Variants in EPB41L1 observed in about 807,000 individuals in gnomAD.
The protein encoded by EPB41L1 is erythrocyte membrane protein band 4.1 like 1.
A neutral mutation model predicts 97.8 loss-of-function variants in EPB41L1; 29 were observed. The ratio of observed to expected loss-of-function variants is 0.30; its 90% CI spans 0.22 to 0.40. EPB41L1 has a LOEUF of 0.40. Ranked by LOEUF, EPB41L1 falls within the 10% of genes least tolerant of loss-of-function variation. The pLI is 1.00. For synonymous variants in EPB41L1, 383 were observed against 459.2 expected, an observed-to-expected ratio of 0.83 and a Z score of 2.12; for missense variants, 812 against 1,162.3, an observed-to-expected ratio of 0.70 and a Z score of 4.38.
chr20:36,095,882 C>G (rs899005200), intron 1 of EPB41L1, among the ~76,000 whole-genome samples: 1 of 151,980 alleles, frequency 6.6e-6, no homozygotes, highest in East Asian at 1.9e-4. Context: ...AAAATTTAGC[C>G]GGGCATGGTG....
chr20:36,147,535 A>C (rs1600582946), intron 2 of EPB41L1, among the ~76,000 whole-genome samples: 1 of 152,280 alleles, frequency 6.6e-6, no homozygotes, highest in East Asian at 1.9e-4. Flanking sequence ...GAGTGATTTA[A>C]CTTCAGTTTC....
intron 2 of EPB41L1, among the ~76,000 whole-genome samples, chr20:36,147,121 A>G (rs1343570068): frequency 2.0e-5 from 3 of 152,066 alleles, no homozygotes; most frequent in Non-Finnish European, 4.4e-5. Flanking sequence ...GCACTCCAGC[A>G]TGGGCGACAG....
At chr20:36,104,481 G>A (rs1315852085) in intron 1 of EPB41L1, among the ~76,000 whole-genome samples, 1 of 152,160 alleles carries the variant, frequency 6.6e-6, no homozygotes, top group Admixed American at 6.5e-5. Context: ...TCATGATGCC[G>A]CCATTGAGAG....
At chr20:36,178,708 T>C (rs769835016) in intron 5 of EPB41L1, 36 bp downstream of exon 5, 1 of 1,611,152 alleles carries the variant, frequency 6.2e-7, no homozygotes, top group Non-Finnish European at 8.5e-7. Context: ...GGTGGGTGGG[T>C]GAGGGGATTC....
intron 2 of EPB41L1, among the ~76,000 whole-genome samples, chr20:36,130,788 TC>T (rs1390910391): frequency 3.7e-5 from 3 of 80,534 alleles, no homozygotes; most frequent in African/African-American, 1.2e-4. Flanking sequence ...TTTAAAAATT[TC>T]TCTCTCTCTC....
chr20:36,154,246 G>A (rs1311122375), upstream of EPB41L1, among the ~76,000 whole-genome samples: 1 of 152,134 alleles, frequency 6.6e-6, no homozygotes, highest in Non-Finnish European at 1.5e-5. The surrounding 1 kb of genome is among the most constrained non-coding windows in gnomAD (Gnocchi z 5.5). Context: ...CGGCTCCGGT[G>A]GGATGGGAGG....
At chr20:36,222,222 G>A in intron 20 of EPB41L1, 56 bp from the exon 21 acceptor site, 1 of 1,469,706 alleles carries the variant, frequency 6.8e-7, no homozygotes, top group Non-Finnish European at 9.5e-7. Flanking sequence ...GTTCTTCACA[G>A]TCTCTCTCGT....
intron 1 of EPB41L1, among the ~76,000 whole-genome samples, chr20:36,095,649 A>G (rs1406839437): frequency 1.3e-5 from 2 of 152,194 alleles, no homozygotes; most frequent in African/African-American, 2.4e-5. Context: ...GATCCTGGCC[A>G]TGGTCCTCAC....
chr20:36,112,292 G>A (rs2058430631), intron 1 of EPB41L1: 1 of 152,242 alleles, frequency 6.6e-6, no homozygotes, highest in Admixed American at 6.5e-5. Flanking sequence ...CTTGTCACAA[G>A]GCCTTTTTGT....
chr20:36,142,238 A>G (rs1338329261), intron 2 of EPB41L1, among the ~76,000 whole-genome samples: 1 of 152,212 alleles, frequency 6.6e-6, no homozygotes, highest in Non-Finnish European at 1.5e-5. Flanking sequence ...ATATAGCCAC[A>G]TATAGATCCA....
rs1204907220 is a variant in EPB41L1 at position 36,173,863 on chromosome 20, C to T, written c.86C>T (p.Thr29Ile). ...PQQPEAAAAV[T>I]TPVTPAGHGH... is the part of the protein sequence containing the mutation. ...CAGCCCGAGGCTGCTGCCGCTGTGA[C>T]CACCCCTGTGACCCCTGCAGGCCAC... The change falls in exon 2 of 22, where the codon ACC becomes ATC. Residue 29 changes from threonine (T) to isoleucine (I), a missense_variant. Physicochemically the swap from Thr to Ile is moderately conservative, Grantham distance 89 (BLOSUM62 -1). Coordinates refer to ENST00000338074, the MANE Select transcript of EPB41L1 (RefSeq NM_012156.2). 1 of 1,613,994 alleles carries T rather than the reference C, an allele frequency of 6.2e-7. No homozygotes were observed. The highest frequency in any genetic ancestry group is 1.1e-5 in the South Asian group (1 of 91,072).
Position 36,154,989 on chromosome 20 carries a change from C to A in EPB41L1, c.-15+93C>A. ...GCCCTGGGGAGGAACGGGGGCGAGGCCGAGAACTGAGTTTTCAGGCTGTTG... is the reference window on the plus strand; with the variant it reads ...GCCCTGGGGAGGAACGGGGGCGAGGACGAGAACTGAGTTTTCAGGCTGTTG... On this transcript the variant is annotated intron_variant, in intron 1 of 21. Coordinates refer to ENST00000338074, the MANE Select transcript of EPB41L1 (RefSeq NM_012156.2). This position sits in a 1 kb window ranked among gnomAD's most constrained non-coding sequence, Gnocchi z 5.5. 1 of 1,110,498 alleles carries A rather than the reference C, an allele frequency of 9.0e-7. No homozygotes were observed. Among genetic ancestry groups the A allele is most frequent in the South Asian group, 1.6e-5 (1 of 63,630 alleles). The allele number at this position is 1,110,498 out of a possible 1,614,324, so 68.8% of individuals were successfully genotyped here. A position where few individuals can be genotyped will look rare whatever the true frequency, so the allele number is the denominator to read the frequency against.
chr20:36,219,952 T>C (rs1158107368), intron 19 of EPB41L1, 108 bp downstream of exon 19: 28 of 988,780 alleles, frequency 2.8e-5, no homozygotes, highest in Admixed American at 3.9e-5. Flanking sequence ...AGAGAAAACC[T>C]GTAGTGTTTA....
rs17093425 is a variant in EPB41L1, at chr20:36,184,991, C to T, written c.567-126C>T. ...ATACCCAGATTGTCAATATATGAAG[C>T]GCCAATGTCTACAAACACACTTTTC... On this transcript the variant is annotated intron_variant, in intron 6 of 21. Transcript: ENST00000338074. 0.014 allele frequency: 12,126 copies of T among 888,602 alleles called. 977 individuals are homozygous for T. The African/African-American group carries it at 0.17, about 13-fold the overall frequency. 55.0% of individuals were successfully genotyped at this position (888,602 alleles called of 1,614,324 possible).
rs776952922 is a variant in EPB41L1, at chr20:36,209,911, TTCC to T, written c.2079+16_2079+18del. Reference sequence around the variant, plus strand: ...GCCCCAGTTTGAGGTACAGTGGAGCTTCCTCAAGAGCCAGGCCCGCTGGGCACC... The same window carrying T: ...GCCCCAGTTTGAGGTACAGTGGAGCTTCAAGAGCCAGGCCCGCTGGGCACC... On this transcript the variant is annotated intron_variant, in intron 15 of 21. Transcript: ENST00000338074. This position sits in a 1 kb window ranked among gnomAD's most constrained non-coding sequence, Gnocchi z 4.2. 1 of 1,612,552 alleles carries T rather than the reference TTCC, an allele frequency of 6.2e-7. No individual in the cohort carries two copies. The highest frequency in any genetic ancestry group is 1.1e-5 in the South Asian group (1 of 90,954).
chr20:36,225,356 G>A (rs2064060572), intron 21 of EPB41L1, among the ~76,000 whole-genome samples: 1 of 152,256 alleles, frequency 6.6e-6, no homozygotes, highest in East Asian at 1.9e-4. Context: ...TGTATCACCT[G>A]GGGAAGCCTG....
chr20:36,232,707 T>C lies in EPB41L1; in HGVS notation c.*3367T>C. 1 of 399,040 alleles carries C rather than the reference T, an allele frequency of 2.5e-6. No individual in the cohort carries two copies. The highest frequency in any genetic ancestry group is 4.4e-6 in the Non-Finnish European group (1 of 226,164). The allele number at this position is 399,040 out of a possible 1,614,324, so 24.7% of individuals were successfully genotyped here. A position where few individuals can be genotyped will look rare whatever the true frequency, so the allele number is the denominator to read the frequency against. The stretch of plus-strand genomic sequence containing the variant: ...CTTCTCTCCTTTCTCGTCCCCATGC[T>C]CCCCCACCTCAGTGCTCCGTGCTGT... On this transcript the variant is annotated 3_prime_UTR_variant, in exon 22 of 22. Coordinates refer to ENST00000338074, the MANE Select transcript of EPB41L1 (RefSeq NM_012156.2).
chr20:36,167,084 A>T (rs377449236), intron 1 of EPB41L1, among the ~76,000 whole-genome samples: 3 of 152,220 alleles, frequency 2.0e-5, no homozygotes, highest in Admixed American at 6.5e-5. Flanking sequence ...TAACCAAAAA[A>T]ACAGGGGAAA....
At chr20:36,164,688 TC>T (rs2060665942) in intron 1 of EPB41L1, among the ~76,000 whole-genome samples, 1 of 152,168 alleles carries the variant, frequency 6.6e-6, no homozygotes, top group South Asian at 2.1e-4. Context: ...TATTTATTTA[TC>T]TAATTTTATT....
Sources: allele counts gnomAD v4.1 joint callset (sites outside exome capture counted in the v4.1 genomes callset), GRCh38; gene constraint gnomAD v4.1.1; non-coding constraint Gnocchi (gnomAD v3.1); transcripts MANE v1.5; gene names NCBI Gene and HGNC (gene_info 2026-07-23, HGNC 2026-07-21).